Variants in SLC24A2 observed in about 807,000 individuals in gnomAD.
SLC24A2 encodes the protein sodium/potassium/calcium exchanger 2.
SLC24A2 carries 36 observed loss-of-function variants against 62.0 expected under a neutral mutation model. The ratio of observed to expected loss-of-function variants is 0.58; its 90% CI spans 0.44 to 0.77. The LOEUF (loss-of-function observed/expected upper bound fraction) is 0.77. Among genes scored for constraint, SLC24A2 ranks in the 30% least tolerant of loss-of-function variants. The pLI is 0.00. For missense variants in SLC24A2, 846 were observed against 817.9 expected (o/e 1.03, Z -0.42); for synonymous variants, 358 against 294.0 (o/e 1.22, Z -2.23).
chr9:19,525,044 C>G (rs1413713484), intron 9 of SLC24A2, among the ~76,000 whole-genome samples: 1 of 152,098 alleles, frequency 6.6e-6, no homozygotes, highest in Non-Finnish European at 1.5e-5. Flanking sequence ...GGCTGAAAAC[C>G]AGCCCACCTT....
the SLC24A2 span, among the ~76,000 whole-genome samples, chr9:20,090,825 A>G: frequency 3.9e-5 from 6 of 152,234 alleles, no homozygotes; most frequent in East Asian, 1.2e-3. Flanking sequence ...CAACTGTACA[A>G]GTTCTCCAAA....
chr9:20,079,716 A>C, the SLC24A2 span, among the ~76,000 whole-genome samples: 5 of 152,166 alleles, frequency 3.3e-5, no homozygotes, highest in Non-Finnish European at 5.9e-5. Flanking sequence ...TTCACTCATG[A>C]TTTGGCTCTC....
intron 2 of SLC24A2, among the ~76,000 whole-genome samples, chr9:19,693,771 C>T (rs1267689772): frequency 6.6e-6 from 1 of 152,022 alleles, no homozygotes; most frequent in African/African-American, 2.4e-5. Flanking sequence ...AAGGTGATTT[C>T]CGAGGCACTC....
chr9:19,980,958 A>G, the SLC24A2 span, among the ~76,000 whole-genome samples: 1 of 152,216 alleles, frequency 6.6e-6, no homozygotes, highest in Non-Finnish European at 1.5e-5. Context: ...ATCACTTCAC[A>G]TTATGAAAGT....
chr9:19,883,547 T>C, the SLC24A2 span, among the ~76,000 whole-genome samples: 2 of 146,658 alleles, frequency 1.4e-5, no homozygotes, highest in Admixed American at 1.4e-4. Flanking sequence ...TCTCCTCATC[T>C]GTAAAATGAT....
chr9:19,766,525 G>C lies in SLC24A2; in HGVS notation c.930+19412C>G, dbSNP rs145135799. 6.3e-3 allele frequency among the ~76,000 whole-genome samples: 954 copies of C among 152,306 alleles called. 10 individuals are homozygous for C. Among genetic ancestry groups the C allele is most frequent in the African/African-American group, 0.022 (905 of 41,562 alleles). Reference sequence around the variant, plus strand: ...ATTGATGTTGATGCTATTGCTTTCTGTTTGTTAGTTTTCCTCCTAACAGAC... The same window carrying C: ...ATTGATGTTGATGCTATTGCTTTCTCTTTGTTAGTTTTCCTCCTAACAGAC... On this transcript the variant is annotated intron_variant, in intron 2 of 10. Coordinates refer to ENST00000341998, the MANE Select transcript of SLC24A2 (RefSeq NM_020344.4).
At chr9:19,923,058 A>G in the SLC24A2 span, among the ~76,000 whole-genome samples, 1,999 of 151,534 alleles carry the variant, frequency 0.013, 48 homozygotes, top group African/African-American at 0.046. Flanking sequence ...ATGTTAAAAG[A>G]AATAAAGACA....
intron 7 of SLC24A2, among the ~76,000 whole-genome samples, chr9:19,557,328 G>A (rs1013864287): frequency 2.0e-5 from 3 of 152,318 alleles, no homozygotes; most frequent in Middle Eastern, 6.8e-3. Flanking sequence ...AATTGTAAGA[G>A]GAAATTACAG....
the SLC24A2 span, among the ~76,000 whole-genome samples, chr9:20,020,299 T>C: frequency 5.9e-5 from 9 of 152,130 alleles, no homozygotes; most frequent in African/African-American, 2.2e-4. Flanking sequence ...CTGTTCACAA[T>C]AGCAAAGACT....
the SLC24A2 span, among the ~76,000 whole-genome samples, chr9:19,859,086 G>T: frequency 6.6e-6 from 1 of 152,082 alleles, no homozygotes; most frequent in Admixed American, 6.5e-5. Flanking sequence ...ATAAAGACAA[G>T]AAATCAACCT....
chr9:20,131,272 C>T, the SLC24A2 span, among the ~76,000 whole-genome samples: 2 of 152,052 alleles, frequency 1.3e-5, no homozygotes, highest in African/African-American at 4.8e-5. Context: ...CAATGTAAGC[C>T]CAGACAGGGC....
chr9:19,887,053 G>T, the SLC24A2 span, among the ~76,000 whole-genome samples: 1 of 152,106 alleles, frequency 6.6e-6, no homozygotes, highest in Middle Eastern at 3.4e-3. Flanking sequence ...GGCCTGTAAG[G>T]GGACAGGGGA....
the SLC24A2 span, among the ~76,000 whole-genome samples, chr9:19,910,417 T>C: frequency 6.6e-6 from 1 of 152,190 alleles, no homozygotes; most frequent in Non-Finnish European, 1.5e-5. Flanking sequence ...CCTCTAGTTT[T>C]AGCTCCATTA....
At chr9:19,673,012 G>T (rs994461406) in intron 2 of SLC24A2, among the ~76,000 whole-genome samples, 1 of 146,490 alleles carries the variant, frequency 6.8e-6, no homozygotes, top group Admixed American at 6.7e-5. Context: ...ATATTCTGCA[G>T]TTGTTGGGTA....
the SLC24A2 span, among the ~76,000 whole-genome samples, chr9:20,066,776 C>T: frequency 1.3e-5 from 2 of 152,164 alleles, no homozygotes; most frequent in African/African-American, 2.4e-5. Flanking sequence ...CTCACTACCT[C>T]CCCTCAGCAA....
chr9:19,701,667 G>A (rs976987415), intron 2 of SLC24A2, among the ~76,000 whole-genome samples: 2 of 152,264 alleles, frequency 1.3e-5, no homozygotes, highest in South Asian at 2.1e-4. Context: ...CCAATCTTCT[G>A]GCACAAGTAG....
chr9:20,230,201 C>T, the SLC24A2 span, among the ~76,000 whole-genome samples: 2 of 152,108 alleles, frequency 1.3e-5, no homozygotes, highest in Non-Finnish European at 2.9e-5. Flanking sequence ...CATACGTGTG[C>T]ATGTGTCTTT....
the SLC24A2 span, among the ~76,000 whole-genome samples, chr9:19,806,342 T>C: frequency 5.3e-5 from 8 of 152,142 alleles, no homozygotes; most frequent in Non-Finnish European, 1.2e-4. Context: ...TAGAGTTTAT[T>C]TGAGTACAAA....
At chr9:20,121,644 T>A in the SLC24A2 span, among the ~76,000 whole-genome samples, 3 of 152,256 alleles carry the variant, frequency 2.0e-5, no homozygotes, top group East Asian at 5.8e-4. Context: ...GTCCATTTTT[T>A]CCAGCAAATT....
Sources: allele counts gnomAD v4.1 joint callset (sites outside exome capture counted in the v4.1 genomes callset), GRCh38; gene constraint gnomAD v4.1.1; transcripts MANE v1.5; gene names NCBI Gene and HGNC (gene_info 2026-07-23, HGNC 2026-07-21).